Variants in OR52K1 observed in about 807,000 individuals in gnomAD.
The protein encoded by OR52K1 is olfactory receptor family 52 subfamily K member 1.
In OR52K1, 10 loss-of-function variants were observed where a neutral mutation model predicts 8.7. The ratio of observed to expected loss-of-function variants is 1.15; its 90% CI spans 0.71 to 1.95. OR52K1 has a LOEUF of 1.95. Among genes scored for constraint, OR52K1 ranks in the 30% most tolerant of loss-of-function variants. The probability of loss-of-function intolerance (pLI) is 0.00; values close to 1 mark genes in which losing one functional copy is unlikely to be tolerated. For missense variants in OR52K1, 431 were observed against 397.2 expected (o/e 1.08, Z -0.72); for synonymous variants, 203 against 148.5 (o/e 1.37, Z -2.67).
intron 1 of OR52K1, among the ~76,000 whole-genome samples, chr11:4,485,119 T>TA (rs1381452383): frequency 2.0e-5 from 3 of 152,266 alleles, no homozygotes; most frequent in African/African-American, 7.2e-5. Flanking sequence ...AGTAGCATTT[T>TA]ACATGGTAAT....
rs961859216 is a variant in OR52K1, at chr11:4,482,943, C to G, written c.-562C>G. The G allele has an allele frequency of 3.8e-5, 15 of 390,386 alleles. No individual in the cohort carries two copies. Among genetic ancestry groups the G allele is most frequent in the Non-Finnish European group, 6.3e-5 (14 of 221,390 alleles). 24.2% of individuals were successfully genotyped at this position (390,386 alleles called of 1,614,324 possible). On this transcript the variant is annotated 5_prime_UTR_variant, in exon 1 of 2. Transcript: ENST00000641528. ...GATAGTCCCACCCAACTGTTTGGTA[C>G]ACAAACTCCAGATGCTCTCCCCACC...
rs533839662 is a variant in OR52K1 at position 4,490,318 on chromosome 11, A to G, written c.*473A>G. ...TACCCTCCACCCTTTGCCACTCTTT[A>G]TAGCCTACTATCTCCCAATTTTATT... is the stretch of plus-strand genomic sequence containing the variant. On this transcript the variant is annotated 3_prime_UTR_variant, in exon 2 of 2. Coordinates refer to ENST00000641528, the MANE Select transcript of OR52K1 (RefSeq NM_001005171.3). The G allele has an allele frequency of 2.1e-4, 34 of 158,208 alleles. No individual in the cohort carries two copies. Among genetic ancestry groups the G allele is most frequent in the African/African-American group, 7.7e-4 (32 of 41,584 alleles). The allele number at this position is 158,208 out of a possible 1,614,324, so 9.8% of individuals were successfully genotyped here.
At chr11:4,483,822 G>C (rs892783617) in intron 1 of OR52K1, among the ~76,000 whole-genome samples, 1 of 152,104 alleles carries the variant, frequency 6.6e-6, no homozygotes, top group Non-Finnish European at 1.5e-5. Flanking sequence ...TTTCTTAGAC[G>C]CCAGGCATGT....
At chr11:4,487,361 C>A (rs1293438647) in intron 1 of OR52K1, among the ~76,000 whole-genome samples, 3 of 152,120 alleles carry the variant, frequency 2.0e-5, no homozygotes, top group Non-Finnish European at 4.4e-5. Context: ...TCCCTATACC[C>A]CTCAGATAAA....
Position 4,489,204 on chromosome 11 carries a change from C to A in OR52K1, c.304C>A (p.Gln102Lys). The change falls in exon 2 of 2, where the codon CAG (glutamine) becomes AAG (lysine). Residue 102 changes from glutamine to lysine, a missense_variant. Coordinates refer to ENST00000641528, the MANE Select transcript of OR52K1 (RefSeq NM_001005171.3). ...QEINFFACLV[Q>K]MFFLHSFSIM... ...GATCAACTTCTTTGCCTGTCTGGTCCAGATGTTCTTCCTTCACTCCTTCTC... is the reference window on the plus strand; with the variant it reads ...GATCAACTTCTTTGCCTGTCTGGTCAAGATGTTCTTCCTTCACTCCTTCTC... 6.2e-7 allele frequency: 1 copy of A among 1,614,234 alleles called. No individual in the cohort carries two copies.
chr11:4,489,177 G>A lies in OR52K1; in HGVS notation c.277G>A (p.Glu93Lys), dbSNP rs748963848. ...MLAIFWFRDQ[E>K]INFFACLVQM... The stretch of plus-strand genomic sequence containing the variant: ...TGCCATATTCTGGTTCAGGGATCAG[G>A]AGATCAACTTCTTTGCCTGTCTGGT... Residue 93 changes from glutamate (E) to lysine (K), a missense_variant, in exon 2 of 2, where the codon GAG (glutamate) becomes AAG (lysine). Glu to Lys is a moderately conservative substitution (Grantham distance 56). Transcript: ENST00000641528. 5.6e-6 allele frequency: 9 copies of A among 1,614,078 alleles called. 1 individual carries two copies. The South Asian group carries it at 7.7e-5, about 14-fold the overall frequency.
At position 4,490,952 on chromosome 11, in the gene OR52K1, C is replaced by T. The variant is rs1299047404; in HGVS notation, c.*1107C>T. Reference sequence around the variant, plus strand: ...GGGTTTGTAGCCTAGGAGCAACAGGCTATACCATATAGCTTAGGTGTATAG... The same window carrying T: ...GGGTTTGTAGCCTAGGAGCAACAGGTTATACCATATAGCTTAGGTGTATAG... On this transcript the variant is annotated 3_prime_UTR_variant, in exon 2 of 2. Coordinates refer to ENST00000641528, the MANE Select transcript of OR52K1 (RefSeq NM_001005171.3). 1 of 152,180 alleles carries T rather than the reference C, an allele frequency of 6.6e-6. No individual in the cohort carries two copies. The highest frequency in any genetic ancestry group is 2.4e-5 in the African/African-American group (1 of 41,442). The allele number at this position is 152,180 out of a possible 1,614,324, so 9.4% of individuals were successfully genotyped here.
chr11:4,490,675 G>A lies in OR52K1; in HGVS notation c.*830G>A, dbSNP rs990888969. On this transcript the variant is annotated 3_prime_UTR_variant, in exon 2 of 2. Coordinates refer to ENST00000641528, the MANE Select transcript of OR52K1 (RefSeq NM_001005171.3). ...AGAAAATACAATACTGTCACACACT[G>A]CATAATGAAGTTTTGGTCAGTAATG... 2 of 152,190 alleles carry A rather than the reference G, an allele frequency of 1.3e-5. No homozygotes were observed. Among genetic ancestry groups the A allele is most frequent in the African/African-American group, 4.8e-5 (2 of 41,440 alleles). 9.4% of individuals were successfully genotyped at this position (152,190 alleles called of 1,614,324 possible).
At position 4,489,079 on chromosome 11, in the gene OR52K1, C is replaced by A. The variant is rs1358856259; in HGVS notation, c.179C>A (p.Pro60His). Residue 60 changes from proline to histidine, a missense_variant, in exon 2 of 2, where the codon CCC becomes CAC. Physicochemically the swap from Pro to His is moderately conservative, Grantham distance 77. Transcript: ENST00000641528. ...IIQADAALHE[P>H]MYLFLAMLAT... Reference sequence around the variant, plus strand: ...CAGGCTGATGCAGCCCTCCATGAACCCATGTACCTCTTTCTGGCCATGTTG... The same window carrying A: ...CAGGCTGATGCAGCCCTCCATGAACACATGTACCTCTTTCTGGCCATGTTG... 1.2e-6 allele frequency: 2 copies of A among 1,614,068 alleles called. No individual in the cohort carries two copies. Among genetic ancestry groups the A allele is most frequent in the Non-Finnish European group, 1.7e-6 (2 of 1,180,020 alleles).
rs745316833 is a variant in OR52K1 at position 4,489,190 on chromosome 11, T to C, written c.290T>C (p.Phe97Ser). ...FWFRDQEINF[F>S]ACLVQMFFLH... is the part of the protein sequence containing the mutation. ...TTCAGGGATCAGGAGATCAACTTCT[T>C]TGCCTGTCTGGTCCAGATGTTCTTC... is the stretch of plus-strand genomic sequence containing the variant. Residue 97 changes from phenylalanine to serine, a missense_variant, in exon 2 of 2, where the codon TTT becomes TCT. By Grantham distance (155) the Phe-to-Ser change is radical (BLOSUM62 -2). Transcript: ENST00000641528. 60 of 1,614,108 alleles carry C rather than the reference T, an allele frequency of 3.7e-5. No homozygotes were observed. Among genetic ancestry groups the C allele is most frequent in the Non-Finnish European group, 4.7e-5 (56 of 1,180,040 alleles).
intron 1 of OR52K1, among the ~76,000 whole-genome samples, chr11:4,486,081 G>A (rs1846318835): frequency 6.6e-6 from 1 of 152,024 alleles, no homozygotes; most frequent in African/African-American, 2.4e-5. Context: ...TGTAGGCATT[G>A]TTGTGGGAAC....
intron 1 of OR52K1, among the ~76,000 whole-genome samples, chr11:4,484,880 G>T (rs901833545): frequency 6.8e-6 from 1 of 147,676 alleles, no homozygotes; most frequent in Non-Finnish European, 1.5e-5. Flanking sequence ...AGTTGACTTC[G>T]CTTTCCATTT....
Position 4,482,853 on chromosome 11 carries a change from G to T in OR52K1, c.-652G>T. On this transcript the variant is annotated 5_prime_UTR_variant, in exon 1 of 2. Transcript: ENST00000641528. The stretch of plus-strand genomic sequence containing the variant: ...TTCCCATAGCCATTCCTGATCTTAG[G>T]CATCAGCTCTCCAACCCTGTTATTG... The T allele has an allele frequency of 3.2e-6, 1 of 315,640 alleles. No homozygotes were observed. Among genetic ancestry groups the T allele is most frequent in the Non-Finnish European group, 5.8e-6 (1 of 173,812 alleles). 19.6% of individuals were successfully genotyped at this position (315,640 alleles called of 1,614,324 possible).
intron 1 of OR52K1, among the ~76,000 whole-genome samples, chr11:4,487,354 C>T (rs964359089): frequency 6.6e-6 from 1 of 152,176 alleles, no homozygotes; most frequent in African/African-American, 2.4e-5. Context: ...CTTAACCTCC[C>T]TATACCCCTC....
rs544867965 is a variant in OR52K1, at chr11:4,491,051, A to G, written c.*1206A>G. On this transcript the variant is annotated 3_prime_UTR_variant, in exon 2 of 2. Coordinates refer to ENST00000641528, the MANE Select transcript of OR52K1 (RefSeq NM_001005171.3). ...GGTTGATAAAATCACCTGAGGACAC[A>G]TTTCTCAGAATGTATCCCCATCATT... 3 of 152,324 alleles carry G rather than the reference A, an allele frequency of 2.0e-5. No homozygotes were observed. Among genetic ancestry groups the G allele is most frequent in the Admixed American group, 6.5e-5 (1 of 15,300 alleles). The allele number at this position is 152,324 out of a possible 1,614,324, so 9.4% of individuals were successfully genotyped here.
intron 1 of OR52K1, among the ~76,000 whole-genome samples, chr11:4,485,581 TAAA>T (rs1846315085): frequency 6.6e-6 from 1 of 152,126 alleles, no homozygotes; most frequent in African/African-American, 2.4e-5. Flanking sequence ...TGACACATTT[TAAA>T]AATATATCCC....
In OR52K1 at chr11:4,491,184, C is replaced by A. The variant is rs1846371674; in HGVS notation, c.*1339C>A. 6.6e-6 allele frequency: 1 copy of A among 152,164 alleles called. No homozygotes were observed. Among genetic ancestry groups the A allele is most frequent in the African/African-American group, 2.4e-5 (1 of 41,426 alleles). The allele number at this position is 152,164 out of a possible 1,614,324, so 9.4% of individuals were successfully genotyped here. On this transcript the variant is annotated 3_prime_UTR_variant, in exon 2 of 2. Transcript: ENST00000641528. ...TATCATGGGTAGGGTATTTCCTTCACTCCACGAATTTTAAACTTTGCTGTA... is the reference window on the plus strand; with the variant it reads ...TATCATGGGTAGGGTATTTCCTTCAATCCACGAATTTTAAACTTTGCTGTA...
Position 4,489,858 on chromosome 11 carries a change from CTTT to C in OR52K1, c.*18_*20del. The C allele has an allele frequency of 2.0e-6, 3 of 1,534,864 alleles. No individual in the cohort carries two copies. Among genetic ancestry groups the C allele is most frequent in the Non-Finnish European group, 2.7e-6 (3 of 1,130,848 alleles). ...AAAGAACATGTAGATGGATAGTTCTCTTTTTTTATCCCACTTGCCAAGTAATGA... is the reference window on the plus strand; with the variant it reads ...AAAGAACATGTAGATGGATAGTTCTCTTTTATCCCACTTGCCAAGTAATGA... On this transcript the variant is annotated 3_prime_UTR_variant, in exon 2 of 2. Transcript: ENST00000641528.
intron 1 of OR52K1, among the ~76,000 whole-genome samples, chr11:4,487,035 G>A (rs1846326291): frequency 1.3e-5 from 2 of 152,026 alleles, no homozygotes; most frequent in Admixed American, 1.3e-4. Flanking sequence ...TAAGTGATAA[G>A]GGCACCATCA....
Sources: allele counts gnomAD v4.1 joint callset (sites outside exome capture counted in the v4.1 genomes callset), GRCh38; gene constraint gnomAD v4.1.1; transcripts MANE v1.5; gene names NCBI Gene and HGNC (gene_info 2026-07-23, HGNC 2026-07-21).